The following DCAF10 variants were observed in gnomAD, a reference collection of about 807,000 sequenced individuals.
DCAF10 encodes the protein DDB1- and CUL4-associated factor 10.
DCAF10 carries 19 observed loss-of-function variants against 51.9 expected under a neutral mutation model. The ratio of observed to expected loss-of-function variants is 0.37; its 90% CI spans 0.26 to 0.54. The LOEUF is 0.54. Among genes scored for constraint, DCAF10 ranks in the 20% least tolerant of loss-of-function variants. DCAF10 has a pLI of 0.87. For synonymous variants in DCAF10, 291 were observed against 297.1 expected (o/e 0.98, Z 0.21); for missense variants, 510 against 730.6 (o/e 0.70, Z 3.48).
intron 2 of DCAF10, among the ~76,000 whole-genome samples, chr9:37,834,353 TA>T (rs1302385576): frequency 1.3e-5 from 2 of 152,238 alleles, no homozygotes; most frequent in African/African-American, 4.8e-5. Context: ...AATTTCTCAT[TA>T]AACTTATTCA....
chr9:37,808,711 A>ATATAAATATAT (rs1829224019), intron 1 of DCAF10, among the ~76,000 whole-genome samples: 4 of 308 alleles, frequency 0.013, no homozygotes, highest in African/African-American at 0.039. Context: ...ATTTATATTT[A>ATATAAATATAT]TATATAAAAT....
chr9:37,854,198 C>T (rs1438283016), intron 3 of DCAF10, among the ~76,000 whole-genome samples: 1 of 151,858 alleles, frequency 6.6e-6, no homozygotes, highest in Non-Finnish European at 1.5e-5. Context: ...CTCCCAGGCT[C>T]GCGTGATCCT....
chr9:37,815,367 G>A (rs1231204992), intron 1 of DCAF10, among the ~76,000 whole-genome samples: 1 of 152,184 alleles, frequency 6.6e-6, no homozygotes, highest in African/African-American at 2.4e-5. Flanking sequence ...AGAACAGTCT[G>A]GGCATGGTGG....
chr9:37,803,697 T>C (rs1462109657), intron 1 of DCAF10, among the ~76,000 whole-genome samples: 1 of 148,610 alleles, frequency 6.7e-6, no homozygotes, highest in Non-Finnish European at 1.5e-5. Flanking sequence ...GGACTTAAAG[T>C]AATTTTACAG....
At chr9:37,858,530 C>T (rs1376464775) in intron 5 of DCAF10, 1 of 151,934 alleles carries the variant, frequency 6.6e-6, no homozygotes, top group African/African-American at 2.4e-5. Context: ...GGTAAACACA[C>T]AAACACAAAT....
At chr9:37,807,525 A>G (rs1829151541) in intron 1 of DCAF10, among the ~76,000 whole-genome samples, 1 of 152,146 alleles carries the variant, frequency 6.6e-6, no homozygotes, top group Non-Finnish European at 1.5e-5. Context: ...AGAATGATTT[A>G]ATGAACAATT....
chr9:37,849,878 T>TCAA (rs375666077), intron 3 of DCAF10, among the ~76,000 whole-genome samples: 9 of 151,964 alleles, frequency 5.9e-5, no homozygotes, highest in Middle Eastern at 3.4e-3. Flanking sequence ...AGACTCCATC[T>TCAA]CAACAACAAC....
At chr9:37,839,956 CT>C (rs1269494207) in intron 2 of DCAF10, among the ~76,000 whole-genome samples, 1 of 152,264 alleles carries the variant, frequency 6.6e-6, no homozygotes, top group East Asian at 1.9e-4. Flanking sequence ...AGACAGGTTC[CT>C]TCTGTCTTCA....
At chr9:37,858,375 TCTC>T (rs1156832477) in intron 5 of DCAF10, 1 of 152,232 alleles carries the variant, frequency 6.6e-6, no homozygotes, top group Non-Finnish European at 1.5e-5. Flanking sequence ...TTCTTCCTGT[TCTC>T]CTTCCACTTG....
chr9:37,840,740 C>T, intron 2 of DCAF10, among the ~76,000 whole-genome samples: 1 of 152,092 alleles, frequency 6.6e-6, no homozygotes, highest in Admixed American at 6.5e-5. Context: ...CAGTAATGCC[C>T]TAGGCCTTCA....
chr9:37,828,357 C>T (rs2117916277), intron 2 of DCAF10, among the ~76,000 whole-genome samples: 1 of 147,568 alleles, frequency 6.8e-6, no homozygotes, highest in East Asian at 1.9e-4. Context: ...TGCAGTGGCA[C>T]ACACCTGTAG....
intron 1 of DCAF10, among the ~76,000 whole-genome samples, chr9:37,812,394 GAGAT>G (rs1379604481): frequency 6.6e-6 from 1 of 151,964 alleles, no homozygotes; most frequent in Non-Finnish European, 1.5e-5. Context: ...CTAGAGGAAA[GAGAT>G]AGATTACTTT....
intron 2 of DCAF10, 149 bp from the exon 3 acceptor site, chr9:37,841,940 T>A (rs1415796006): frequency 1.4e-5 from 8 of 587,026 alleles, no homozygotes; most frequent in Non-Finnish European, 2.0e-5. Flanking sequence ...ATACTTTTTA[T>A]AGTATATCAG....
At chr9:37,828,185 G>A (rs1829908227) in intron 2 of DCAF10, among the ~76,000 whole-genome samples, 1 of 152,112 alleles carries the variant, frequency 6.6e-6, no homozygotes, top group African/African-American at 2.4e-5. Flanking sequence ...ACTGTGCCTG[G>A]CCCTCCTCTG....
chr9:37,809,722 A>G (rs1288911459), intron 1 of DCAF10, among the ~76,000 whole-genome samples: 1 of 151,590 alleles, frequency 6.6e-6, no homozygotes, highest in East Asian at 1.9e-4. Flanking sequence ...AATCCCGGCT[A>G]CTCCGGAGGC....
At position 37,861,448 on chromosome 9, in the gene DCAF10, T is replaced by C; in HGVS notation, c.1620T>C (p.His540=). 1 of 1,614,116 alleles carries C rather than the reference T, an allele frequency of 6.2e-7. No homozygotes were observed. Among genetic ancestry groups the C allele is most frequent in the Non-Finnish European group, 8.5e-7 (1 of 1,179,964 alleles). The part of the protein sequence containing the change: ...VVLTTKFSPT[H]CQIASGCLSG... The stretch of plus-strand genomic sequence containing the variant: ...TGACAACAAAGTTCTCTCCAACACA[T>C]TGTCAGATTGCCTCAGGGTGCCTTA... The change falls in exon 7 of 7, where the codon CAT becomes CAC. Residue 540 remains histidine, a synonymous_variant. Transcript: ENST00000377724. This position sits in a 1 kb window ranked among gnomAD's most constrained non-coding sequence, Gnocchi z 4.9.
rs147959381 is a variant in DCAF10, at chr9:37,829,926, C to G, written c.653+10525C>G. 7.9e-5 allele frequency among the ~76,000 whole-genome samples: 12 copies of G among 152,150 alleles called. No homozygotes were observed. Among genetic ancestry groups the G allele is most frequent in the Non-Finnish European group, 1.5e-4 (10 of 68,008 alleles). ...GAAAGCTTAGGAGGAATGCTTGAGC[C>G]CAGGAGTTTGAGGCTGCAGGGAGCC... On this transcript the variant is annotated intron_variant, in intron 2 of 6. Coordinates refer to ENST00000377724, the MANE Select transcript of DCAF10 (RefSeq NM_024345.5). This position sits in a 1 kb window ranked among gnomAD's most constrained non-coding sequence, Gnocchi z 4.2.
Position 37,801,018 on chromosome 9 carries a change from C to T in DCAF10, c.152C>T (p.Ala51Val). 1 of 1,541,080 alleles carries T rather than the reference C, an allele frequency of 6.5e-7. No homozygotes were observed. ...GADATHPPPP[A>V]RSPRRPGAPS... ...GATGCGACCCATCCCCCTCCACCCG[C>T]CCGAAGCCCTCGCCGCCCCGGCGCC... The change falls in exon 1 of 7, where the codon GCC (alanine) becomes GTC (valine). Residue 51 changes from alanine (A) to valine (V), a missense_variant. Physicochemically the swap from Ala to Val is moderately conservative, Grantham distance 64 (BLOSUM62 0). Around this residue, in one of 4 missense-constraint regions of DCAF10, gnomAD observed 251 missense variants for 227.9 expected, o/e 1.10. Coordinates refer to ENST00000377724, the MANE Select transcript of DCAF10 (RefSeq NM_024345.5). This position sits in a 1 kb window ranked among gnomAD's most constrained non-coding sequence, Gnocchi z 5.5.
At chr9:37,825,357 CAT>C (rs1829819573) in intron 2 of DCAF10, among the ~76,000 whole-genome samples, 1 of 152,136 alleles carries the variant, frequency 6.6e-6, no homozygotes. Flanking sequence ...ATAAGGAAAA[CAT>C]AGTACATATA....
Sources: allele counts gnomAD v4.1 joint callset (sites outside exome capture counted in the v4.1 genomes callset), GRCh38; gene constraint gnomAD v4.1.1; regional missense constraint gnomAD v4.1.1; non-coding constraint Gnocchi (gnomAD v3.1); transcripts MANE v1.5; gene names NCBI Gene and HGNC (gene_info 2026-07-23, HGNC 2026-07-21).